Variants in IL20RA observed in about 807,000 individuals in gnomAD.
IL20RA encodes interleukin-20 receptor subunit alpha.
IL20RA carries 29 observed loss-of-function variants against 36.5 expected under a neutral mutation model. The ratio of observed to expected loss-of-function variants is 0.79; its 90% confidence interval spans 0.59 to 1.08. The LOEUF (loss-of-function observed/expected upper bound fraction) is 1.08. IL20RA is among the 50% of genes least tolerant of loss of function. IL20RA has a pLI of 0.00. For synonymous variants in IL20RA, 279 were observed against 267.1 expected (o/e 1.04, Z -0.43); for missense variants, 652 against 668.4 (o/e 0.98, Z 0.27).
At chr6:137,008,865 C>CTTTT (rs3041890) in intron 4 of IL20RA, 122 bp from the exon 5 acceptor site, 3,835 of 141,706 alleles carry the variant, frequency 0.027, 208 homozygotes, top group African/African-American at 0.061. Flanking sequence ...TCAGTATAAG[C>CTTTT]TTTTTTTTTT....
chr6:137,007,001 G>A (rs1408634124), intron 5 of IL20RA, among the ~76,000 whole-genome samples: 6 of 152,190 alleles, frequency 3.9e-5, no homozygotes, highest in Non-Finnish European at 5.9e-5. Flanking sequence ...TGTTATTATA[G>A]GCGTGATCCA....
intron 1 of IL20RA, among the ~76,000 whole-genome samples, chr6:137,022,739 T>C (rs1286591428): frequency 2.0e-5 from 3 of 152,218 alleles, no homozygotes; most frequent in Non-Finnish European, 4.4e-5. Context: ...TGAAGTCAGG[T>C]GGGCTCCTGA....
At chr6:137,044,388 A>G in intron 1 of IL20RA, 1 of 980,758 alleles carries the variant, frequency 1.0e-6, no homozygotes, top group Non-Finnish European at 1.2e-6. Context: ...AATTCTCGAG[A>G]CCGAAAGTGC....
chr6:137,004,889 T>G, intron 5 of IL20RA, 129 bp from the exon 6 acceptor site: 2 of 806,316 alleles, frequency 2.5e-6, no homozygotes, highest in Non-Finnish European at 2.0e-6. Context: ...GAACTCAGTT[T>G]TCTCACCTCT....
rs540515256 is a variant in IL20RA at position 137,013,179 on chromosome 6, C to T, written c.225-1727G>A. ...CCTTTCCATTAAAAATAATATCCCTCAACATTCATTTCATGAGTCATCAAA... is the reference window on the plus strand; with the variant it reads ...CCTTTCCATTAAAAATAATATCCCTTAACATTCATTTCATGAGTCATCAAA... On this transcript the variant is annotated intron_variant, in intron 2 of 6. Coordinates refer to ENST00000316649, the MANE Select transcript of IL20RA (RefSeq NM_014432.4). Among the ~76,000 whole-genome samples the T allele has an allele frequency of 5.4e-4, 82 of 152,276 alleles. 1 individual carries two copies. The highest frequency in any genetic ancestry group is 1.9e-3 in the African/African-American group (81 of 41,552).
At chr6:137,007,397 G>C (rs1775316344) in intron 5 of IL20RA, among the ~76,000 whole-genome samples, 1 of 152,194 alleles carries the variant, frequency 6.6e-6, no homozygotes, top group Non-Finnish European at 1.5e-5. Flanking sequence ...GGAGGGGTGA[G>C]GGAGGAGGAA....
At chr6:137,011,770 T>C (rs1775509914) in intron 2 of IL20RA, among the ~76,000 whole-genome samples, 1 of 152,238 alleles carries the variant, frequency 6.6e-6, no homozygotes, top group Non-Finnish European at 1.5e-5. Flanking sequence ...TCAATTCTTC[T>C]AGTAATTATC....
At chr6:137,019,053 T>C (rs1307388132) in intron 1 of IL20RA, among the ~76,000 whole-genome samples, 1 of 152,188 alleles carries the variant, frequency 6.6e-6, no homozygotes. Context: ...TTATCTTAGA[T>C]AGTATAGTCC....
intron 2 of IL20RA, 81 bp downstream of exon 2, chr6:137,016,887 C>T (rs373035211): frequency 1.5e-5 from 19 of 1,250,032 alleles, no homozygotes; most frequent in South Asian, 1.1e-4. Context: ...TTTAATACCA[C>T]GGAGAGTTTA....
chr6:137,020,480 C>A (rs1775854809), intron 1 of IL20RA, among the ~76,000 whole-genome samples: 4 of 128,128 alleles, frequency 3.1e-5, no homozygotes, highest in Non-Finnish European at 3.4e-5. Context: ...TAAGACAGAC[C>A]AATCACTAAA....
chr6:137,035,324 A>C (rs1043408054), intron 1 of IL20RA, among the ~76,000 whole-genome samples: 11 of 152,212 alleles, frequency 7.2e-5, no homozygotes, highest in African/African-American at 2.7e-4. Context: ...ATACATATGC[A>C]TACATGTATA....
intron 1 of IL20RA, among the ~76,000 whole-genome samples, chr6:137,029,199 C>T (rs548241750): frequency 4.6e-5 from 7 of 152,336 alleles, no homozygotes; most frequent in East Asian, 1.9e-4. Flanking sequence ...AAGCTCTTCC[C>T]TTACCTTTTA....
rs148596400 is a variant in IL20RA, at chr6:137,026,697, C to A, written c.89-9594G>T. Among the ~76,000 whole-genome samples, 3 of 152,224 alleles carry A rather than the reference C, an allele frequency of 2.0e-5. No individual in the cohort carries two copies. In the East Asian group the frequency reaches 5.8e-4, roughly 29 times the overall value. On this transcript the variant is annotated intron_variant, in intron 1 of 6. Transcript: ENST00000316649. ...ATGTTGTAAACAATGACATTCTAAC[C>A]GCCGAAGAGCAAAACAGGTATGACT...
At chr6:137,041,232 A>G (rs1208092867) in intron 1 of IL20RA, among the ~76,000 whole-genome samples, 1 of 152,244 alleles carries the variant, frequency 6.6e-6, no homozygotes, top group Non-Finnish European at 1.5e-5. Context: ...CTAAGGGGAC[A>G]TGACCACTAA....
intron 1 of IL20RA, among the ~76,000 whole-genome samples, chr6:137,036,649 T>C (rs1168270625): frequency 1.3e-5 from 2 of 152,112 alleles, no homozygotes; most frequent in Non-Finnish European, 2.9e-5. Context: ...AGGCACAGAA[T>C]GGATTCTCCC....
rs1775217433 is a variant in IL20RA, at chr6:137,004,735, T to A, written c.750A>T (p.Lys250Asn). Residue 250 changes from lysine (K) to asparagine (N), a missense_variant, in exon 6 of 7, where the codon AAA becomes AAT. Transcript: ENST00000316649. ...CGGGCAAAACATACCAGAAGATGATTTTAGCCTTGAACTCTGATGATTGAT... is the reference window on the plus strand; with the variant it reads ...CGGGCAAAACATACCAGAAGATGATATTAGCCTTGAACTCTGATGATTGAT... Reference protein sequence around the residue: ...LKDQSSEFKAKIIFWYVLPVS... With the variant: ...LKDQSSEFKANIIFWYVLPVS... The A allele has an allele frequency of 6.3e-6, 10 of 1,596,816 alleles. No homozygotes were observed. Among genetic ancestry groups the A allele is most frequent in the Non-Finnish European group, 8.5e-6 (10 of 1,175,390 alleles).
chr6:137,044,115 A>T (rs1461794388), intron 1 of IL20RA: 10 of 985,480 alleles, frequency 1.0e-5, no homozygotes, highest in Non-Finnish European at 8.4e-6. Flanking sequence ...GTCTTTCTGG[A>T]TCATGTTCCT....
intron 1 of IL20RA, among the ~76,000 whole-genome samples, chr6:137,022,589 T>C (rs572240893): frequency 1.5e-4 from 23 of 152,304 alleles, no homozygotes; most frequent in African/African-American, 5.5e-4. Context: ...GGTATGCTTA[T>C]GGGTTGAATT....
intron 1 of IL20RA, among the ~76,000 whole-genome samples, chr6:137,039,248 A>T (rs1776593778): frequency 6.6e-6 from 1 of 152,212 alleles, no homozygotes; most frequent in Admixed American, 6.5e-5. Flanking sequence ...GAAGCTGAGT[A>T]GTTCTAGGCA....
Sources: gnomAD v4.1 joint callset for allele counts (sites outside exome capture counted in the v4.1 genomes callset) on GRCh38, gnomAD v4.1.1 for gene constraint, MANE v1.5 for transcripts, NCBI Gene and HGNC (gene_info 2026-07-23, HGNC 2026-07-21) for gene names.